Variants in RAD52 observed in about 807,000 individuals in gnomAD.
The protein encoded by RAD52 is DNA repair protein RAD52 homolog.
A neutral mutation model predicts 55.5 loss-of-function variants in RAD52; 47 were observed. The ratio of observed to expected loss-of-function variants is 0.85; its 90% CI spans 0.67 to 1.08. The LOEUF (loss-of-function observed/expected upper bound fraction) is 1.08. Among genes scored for constraint, RAD52 ranks in the 50% least tolerant of loss-of-function variants. RAD52 has a pLI of 0.00. For missense variants in RAD52, 468 were observed against 522.8 expected (o/e 0.90, Z 1.02); for synonymous variants, 184 against 198.9 (o/e 0.92, Z 0.63).
intron 1 of RAD52, among the ~76,000 whole-genome samples, chr12:978,951 G>A (rs1321363605): frequency 6.6e-6 from 1 of 152,010 alleles, no homozygotes; most frequent in Non-Finnish European, 1.5e-5. Flanking sequence ...TATAAGCCAT[G>A]TATATGATTC....
chr12:913,341 T>C lies in RAD52; in HGVS notation c.*50A>G. On this transcript the variant is annotated 3_prime_UTR_variant, in exon 12 of 12. Coordinates refer to ENST00000358495, the MANE Select transcript of RAD52 (RefSeq NM_134424.4). ...AACAATTTCATGACCAAAAAGTAGT[T>C]TTCCAAAGTCCCTTTGTGACAGAGT... 7.0e-7 allele frequency: 1 copy of C among 1,419,286 alleles called. No homozygotes were observed. Among genetic ancestry groups the C allele is most frequent in the East Asian group, 2.3e-5 (1 of 43,460 alleles). 87.9% of individuals were successfully genotyped at this position (1,419,286 alleles called of 1,614,324 possible).
chr12:980,095 C>T (rs1209100072), intron 1 of RAD52, among the ~76,000 whole-genome samples: 2 of 151,868 alleles, frequency 1.3e-5, no homozygotes, highest in Admixed American at 1.3e-4. Flanking sequence ...AGGCTAAGGC[C>T]AGGAAAATTG....
chr12:925,380 A>C (rs1956976550), intron 7 of RAD52, 70 bp downstream of exon 7: 1 of 1,335,270 alleles, frequency 7.5e-7, no homozygotes, highest in Non-Finnish European at 1.1e-6. Context: ...TGCATCCTCC[A>C]AATACTCAAC....
rs949209463 is a variant in RAD52 at position 914,257 on chromosome 12, C to G, written c.968-136G>C. On this transcript the variant is annotated intron_variant, in intron 10 of 11. Coordinates refer to ENST00000358495, the MANE Select transcript of RAD52 (RefSeq NM_134424.4). ...TTTTTGGAATTTCTCTCCCCTCCCC[C>G]TAAAAGTACACTTCCCTTTGGTTAG... The G allele has an allele frequency of 3.1e-6, 4 of 1,293,714 alleles. No individual in the cohort carries two copies. The Admixed American group carries it at 9.8e-5, about 32-fold the overall frequency. The allele number at this position is 1,293,714 out of a possible 1,614,324, so 80.1% of individuals were successfully genotyped here.
chr12:955,045 A>G (rs528695712), intron 1 of RAD52, among the ~76,000 whole-genome samples: 13 of 152,370 alleles, frequency 8.5e-5, no homozygotes, highest in Admixed American at 7.8e-4. Flanking sequence ...ACAAAACAAT[A>G]TTCACTACAG....
chr12:960,233 C>T (rs1478813877), intron 1 of RAD52, among the ~76,000 whole-genome samples: 2 of 152,022 alleles, frequency 1.3e-5, no homozygotes, highest in African/African-American at 4.8e-5. Context: ...CAGCTAGGAG[C>T]TGAGAGATGG....
At chr12:979,955 G>A (rs1158564226) in intron 1 of RAD52, among the ~76,000 whole-genome samples, 2 of 152,230 alleles carry the variant, frequency 1.3e-5, no homozygotes, top group Non-Finnish European at 2.9e-5. Flanking sequence ...GCCGAGGCAG[G>A]AGAATGGCAT....
intron 7 of RAD52, among the ~76,000 whole-genome samples, chr12:924,688 A>G (rs1222541302): frequency 1.3e-5 from 2 of 152,196 alleles, no homozygotes. Flanking sequence ...TCCAAAGGCA[A>G]AGGCTCAGAT....
rs181327919 is a variant in RAD52 at position 940,060 on chromosome 12, A to G, written c.-18-6984T>C. ...ACTGCACTCCAGCCTGGGTGACAGA[A>G]TGAGACTCTGTCTCAAAAAAAAAAA... On this transcript the variant is annotated intron_variant, in intron 1 of 11. Transcript: ENST00000358495. Among the ~76,000 whole-genome samples, 5 of 151,160 alleles carry G rather than the reference A, an allele frequency of 3.3e-5. No individual in the cohort carries two copies. In the East Asian group the frequency reaches 7.9e-4, roughly 24 times the overall value.
At chr12:944,926 G>C (rs1257677784) in intron 1 of RAD52, among the ~76,000 whole-genome samples, 1 of 152,082 alleles carries the variant, frequency 6.6e-6, no homozygotes, top group Non-Finnish European at 1.5e-5. Context: ...GATGTGACAA[G>C]GTGATGGGTG....
intron 1 of RAD52, among the ~76,000 whole-genome samples, chr12:973,443 G>A (rs1958894880): frequency 1.3e-5 from 2 of 151,868 alleles, no homozygotes; most frequent in African/African-American, 2.4e-5. Context: ...TGATGAAAGT[G>A]GTTGAATTCT....
chr12:967,994 T>A (rs908396117), intron 1 of RAD52, among the ~76,000 whole-genome samples: 7 of 152,088 alleles, frequency 4.6e-5, no homozygotes, highest in Non-Finnish European at 7.3e-5. Context: ...ATTTTTGAGC[T>A]TTATATTCAT....
chr12:914,509 TCA>T lies in RAD52; in HGVS notation c.887_888del (p.Val296AspfsTer30). Reference protein sequence around the residue: ...KSEAAPPAPPVTHSTPVTVSE... With the variant: ...KSEAAPPAPPXTHSTPVTVSE... ...GAGACAGTTACAGGAGTGCTGTGCG[TCA>T]CAGGAGGGGCCGGAGGCGCTGCTAC... On this transcript the variant is annotated frameshift_variant, in exon 10 of 12. Transcript: ENST00000358495. LOFTEE classifies it high-confidence loss of function. 6.2e-7 allele frequency: 1 copy of T among 1,613,730 alleles called. No homozygotes were observed. The highest frequency in any genetic ancestry group is 1.1e-5 in the South Asian group (1 of 91,048).
chr12:968,095 G>C (rs1958795048), intron 1 of RAD52, among the ~76,000 whole-genome samples: 1 of 152,030 alleles, frequency 6.6e-6, no homozygotes, highest in Non-Finnish European at 1.5e-5. Flanking sequence ...TGTTAGCAGT[G>C]AAAATGACAA....
intron 7 of RAD52, among the ~76,000 whole-genome samples, chr12:922,052 C>T (rs1956757827): frequency 1.3e-5 from 2 of 151,944 alleles, no homozygotes; most frequent in Non-Finnish European, 2.9e-5. Flanking sequence ...TTGCAGTGAA[C>T]CAAGATTGTG....
chr12:928,194 G>A (rs900739873), intron 5 of RAD52, among the ~76,000 whole-genome samples: 17 of 152,126 alleles, frequency 1.1e-4, no homozygotes, highest in Non-Finnish European at 2.4e-4. Flanking sequence ...AGTCAGAATA[G>A]AATTAATGCT....
At chr12:965,834 G>A (rs576427536) in intron 1 of RAD52, among the ~76,000 whole-genome samples, 24 of 151,842 alleles carry the variant, frequency 1.6e-4, no homozygotes, top group African/African-American at 1.2e-4. Flanking sequence ...TTACACATAT[G>A]CACCACCACA....
intron 7 of RAD52, among the ~76,000 whole-genome samples, chr12:917,648 C>T (rs930412209): frequency 1.3e-5 from 2 of 149,932 alleles, no homozygotes; most frequent in African/African-American, 2.5e-5. Context: ...TTTGGCAAGC[C>T]GAAGCAGATC....
rs1956179489 is a variant in RAD52 at position 913,015 on chromosome 12, C to T, written c.*376G>A. 1 of 236,650 alleles carries T rather than the reference C, an allele frequency of 4.2e-6. No homozygotes were observed. The highest frequency in any genetic ancestry group is 6.4e-5 in the East Asian group (1 of 15,656). 14.7% of individuals were successfully genotyped at this position (236,650 alleles called of 1,614,324 possible). ...GTTATGCAAAACAACTGAATGTAGA[C>T]AATTGCTGAGGCAGGTGCTTAGGAC... On this transcript the variant is annotated 3_prime_UTR_variant, in exon 12 of 12. Coordinates refer to ENST00000358495, the MANE Select transcript of RAD52 (RefSeq NM_134424.4).
Sources: gnomAD v4.1 joint callset for allele counts (sites outside exome capture counted in the v4.1 genomes callset) on GRCh38, gnomAD v4.1.1 for gene constraint, MANE v1.5 for transcripts, NCBI Gene and HGNC (gene_info 2026-07-23, HGNC 2026-07-21) for gene names.